Variants in RELN observed in about 807,000 individuals in gnomAD.
The protein encoded by RELN is reelin.
A neutral mutation model predicts 427.6 loss-of-function variants in RELN; 108 were observed. That is an observed-to-expected ratio of 0.25 (90% confidence interval 0.22 to 0.30). The LOEUF (loss-of-function observed/expected upper bound fraction) is 0.30. Ranked by LOEUF, RELN falls within the 10% of genes least tolerant of loss-of-function variation. The probability of loss-of-function intolerance (pLI) is 1.00; values close to 1 mark genes in which losing one functional copy is unlikely to be tolerated. For synonymous variants in RELN, 1,524 were observed against 1,513.4 expected, an observed-to-expected ratio of 1.01 and a Z score of -0.16; for missense variants, 3,715 against 4,302.8, an observed-to-expected ratio of 0.86 and a Z score of 3.82.
At chr7:103,484,528 G>A (rs116848023) in intron 61 of RELN, 4,091 of 153,662 alleles carry the variant, frequency 0.027, 62 homozygotes, top group African/African-American at 0.048. Flanking sequence ...CAGCCAGATC[G>A]CCCTCACATC....
intron 51 of RELN, among the ~76,000 whole-genome samples, chr7:103,503,878 A>T (rs1281158684): frequency 6.8e-6 from 1 of 147,236 alleles, no homozygotes; most frequent in South Asian, 2.1e-4. Context: ...CTCCAGAAAC[A>T]TCCAAATGTT....
intron 1 of RELN, among the ~76,000 whole-genome samples, chr7:103,949,376 T>C (rs1796286937): frequency 9.1e-6 from 1 of 109,676 alleles, no homozygotes; most frequent in South Asian, 3.2e-4. Flanking sequence ...ATTAAAACTT[T>C]GAACTTAAAA....
At chr7:103,883,737 G>A (rs180720262) in intron 2 of RELN, among the ~76,000 whole-genome samples, 2 of 152,276 alleles carry the variant, frequency 1.3e-5, no homozygotes, top group African/African-American at 4.8e-5. Context: ...GGACATGAAG[G>A]ACCTTTTCAA....
chr7:103,989,044 G>T lies in RELN; in HGVS notation c.226+87C>A, dbSNP rs1418276417. 8.3e-7 allele frequency: 1 copy of T among 1,211,336 alleles called. No homozygotes were observed. Among genetic ancestry groups the T allele is most frequent in the Non-Finnish European group, 1.2e-6 (1 of 817,878 alleles). The allele number at this position is 1,211,336 out of a possible 1,614,324, so 75.0% of individuals were successfully genotyped here. ...GGGTTGTCATGGTTCTTGTTTCCAAGGCCCCTTGGAAGAAGGAAAGGGATG... is the reference window on the plus strand; with the variant it reads ...GGGTTGTCATGGTTCTTGTTTCCAATGCCCCTTGGAAGAAGGAAAGGGATG... On this transcript the variant is annotated intron_variant, in intron 1 of 64. Coordinates refer to ENST00000428762, the MANE Select transcript of RELN (RefSeq NM_005045.4). This position sits in a 1 kb window ranked among gnomAD's most constrained non-coding sequence, Gnocchi z 4.9.
intron 1 of RELN, among the ~76,000 whole-genome samples, chr7:103,970,009 T>C (rs1435715830): frequency 6.6e-6 from 1 of 152,314 alleles, no homozygotes; most frequent in Middle Eastern, 3.4e-3. Flanking sequence ...CTCACAGTCA[T>C]TTGAAGACAT....
chr7:103,888,757 G>C (rs73712282), intron 2 of RELN, among the ~76,000 whole-genome samples: 40,208 of 151,902 alleles, frequency 0.26, 5,954 homozygotes, highest in African/African-American at 0.4. Flanking sequence ...CACCAAAGCA[G>C]AAGACTTGGC....
At chr7:103,571,308 G>A (rs1488095821) in intron 31 of RELN, among the ~76,000 whole-genome samples, 1 of 152,172 alleles carries the variant, frequency 6.6e-6, no homozygotes, top group Admixed American at 6.6e-5. Flanking sequence ...TTTGTGTGAG[G>A]AGTCAGTTCA....
chr7:103,487,475 C>G lies in RELN; in HGVS notation c.9764-1059G>C, dbSNP rs1288570826. On this transcript the variant is annotated intron_variant, in intron 60 of 64. Coordinates refer to ENST00000428762, the MANE Select transcript of RELN (RefSeq NM_005045.4). ...TGTTACAGTAAAAAAAAAAAAAAGG[C>G]AAAATACTAAGTAGATACAGATTCC... Among the ~76,000 whole-genome samples the G allele has an allele frequency of 2.5e-5, 3 of 121,224 alleles. No individual in the cohort carries two copies. In the East Asian group the frequency reaches 7.4e-4, roughly 30 times the overall value. The allele number at this position is 121,224 out of a possible 152,430, so 79.5% of individuals were successfully genotyped here.
At chr7:103,845,015 T>C (rs1014308039) in intron 2 of RELN, among the ~76,000 whole-genome samples, 8 of 152,184 alleles carry the variant, frequency 5.3e-5, no homozygotes, top group Non-Finnish European at 1.0e-4. Flanking sequence ...AGAAACAGGA[T>C]CTGATTATTT....
chr7:103,552,404 T>G (rs1173944035), intron 40 of RELN, among the ~76,000 whole-genome samples: 3 of 152,130 alleles, frequency 2.0e-5, no homozygotes, highest in Non-Finnish European at 4.4e-5. Context: ...ATTATGTGTG[T>G]GTAGATATGT....
rs966319748 is a variant in RELN at position 103,855,783 on chromosome 7, C to T, written c.338-22111G>A. On this transcript the variant is annotated intron_variant, in intron 2 of 64. Transcript: ENST00000428762. Reference sequence around the variant, plus strand: ...AGCCTCAGGCATTCCTGAGCTTCTCCATCTTAACATGGCATTCTCCCTGTA... The same window carrying T: ...AGCCTCAGGCATTCCTGAGCTTCTCTATCTTAACATGGCATTCTCCCTGTA... Among the ~76,000 whole-genome samples the T allele has an allele frequency of 2.0e-5, 3 of 152,228 alleles. No individual in the cohort carries two copies. In the East Asian group the frequency reaches 5.8e-4, roughly 29 times the overall value.
chr7:103,494,880 G>GA (rs1214847677), intron 57 of RELN, among the ~76,000 whole-genome samples: 8 of 151,156 alleles, frequency 5.3e-5, no homozygotes, highest in Non-Finnish European at 8.8e-5. Flanking sequence ...AGATACACTG[G>GA]AAAAAAAATA....
At chr7:103,494,264 T>G (rs1828758851) in intron 57 of RELN, among the ~76,000 whole-genome samples, 1 of 152,254 alleles carries the variant, frequency 6.6e-6, no homozygotes, top group Admixed American at 6.5e-5. Flanking sequence ...CTAGTAAGGA[T>G]TTTTACTATT....
chr7:103,920,461 A>C (rs929762532), intron 1 of RELN, among the ~76,000 whole-genome samples: 2 of 152,150 alleles, frequency 1.3e-5, no homozygotes, highest in African/African-American at 4.8e-5. Context: ...TGGGTAACAA[A>C]TAATATTTTC....
chr7:103,530,933 T>C (rs1829924571), intron 46 of RELN, among the ~76,000 whole-genome samples: 4 of 152,178 alleles, frequency 2.6e-5, no homozygotes, highest in Admixed American at 2.6e-4. Context: ...TTTCCTTAAA[T>C]AGATTGTAAC....
chr7:103,525,196 G>A (rs1431484370), intron 46 of RELN, among the ~76,000 whole-genome samples: 4 of 152,070 alleles, frequency 2.6e-5, no homozygotes, highest in African/African-American at 9.7e-5. Context: ...GGAAATGTCA[G>A]GTCCTCACAG....
In RELN at chr7:103,589,783, G is replaced by A. The variant is rs376446603; in HGVS notation, c.3958C>T (p.Leu1320Phe). The A allele has an allele frequency of 6.2e-7, 1 of 1,613,190 alleles. No homozygotes were observed. The highest frequency in any genetic ancestry group is 8.5e-7 in the Non-Finnish European group (1 of 1,179,268). The change falls in exon 28 of 65, where the codon CTT becomes TTT. Residue 1320 changes from leucine to phenylalanine, a missense_variant. Around this residue, in one of 4 missense-constraint regions of RELN, gnomAD observed 2,208 missense variants for 2,361.7 expected, o/e 0.93. Coordinates refer to ENST00000428762, the MANE Select transcript of RELN (RefSeq NM_005045.4). The stretch of plus-strand genomic sequence containing the variant: ...CCAGCATCATGAGAGTACTGAAGAA[G>A]AACTGGAGCAGTACTGCTGAATTGA... ...ANQFSSTAPV[L>F]LQYSHDAGMS...
chr7:103,697,171 T>C (rs1833993661), intron 10 of RELN, among the ~76,000 whole-genome samples: 1 of 152,168 alleles, frequency 6.6e-6, no homozygotes, highest in Non-Finnish European at 1.5e-5. Flanking sequence ...TGGTTCTCAA[T>C]GTGCTCTCTG....
At chr7:103,987,954 T>C (rs183433091) in intron 1 of RELN, among the ~76,000 whole-genome samples, 103 of 152,326 alleles carry the variant, frequency 6.8e-4, no homozygotes, top group African/African-American at 2.3e-3. Flanking sequence ...CAAGGTTTTT[T>C]TAAAAACAGA....
Sources: gnomAD v4.1 joint callset for allele counts (sites outside exome capture counted in the v4.1 genomes callset) on GRCh38, gnomAD v4.1.1 for gene constraint, gnomAD v4.1.1 regional missense constraint, Gnocchi (gnomAD v3.1) non-coding constraint, MANE v1.5 for transcripts, NCBI Gene and HGNC (gene_info 2026-07-23, HGNC 2026-07-21) for gene names.